Variants in COBL observed in about 807,000 individuals in gnomAD.
COBL encodes protein cordon-bleu.
A neutral mutation model predicts 98.8 loss-of-function variants in COBL; 51 were observed. The observed-to-expected ratio is 0.52, with a 90% CI of 0.41 to 0.65. The LOEUF (loss-of-function observed/expected upper bound fraction) is 0.65, where lower values mean the gene tolerates loss of function less well. Ranked by LOEUF, COBL falls within the 30% of genes least tolerant of loss-of-function variation. COBL has a pLI of 0.00. For synonymous variants in COBL, 634 were observed against 651.7 expected (o/e 0.97, Z 0.41); for missense variants, 1,617 against 1,617.5 (o/e 1.00, Z 0.01).
chr7:51,268,931 A>AT (rs1491319141), intron 1 of COBL, among the ~76,000 whole-genome samples: 5 of 116,228 alleles, frequency 4.3e-5, no homozygotes, highest in African/African-American at 1.3e-4. Context: ...CCCCGTCTCA[A>AT]TAAAAAAAAA....
At chr7:51,178,890 T>C (rs1023421558) in intron 5 of COBL, among the ~76,000 whole-genome samples, 3 of 152,208 alleles carry the variant, frequency 2.0e-5, no homozygotes, top group African/African-American at 7.2e-5. Flanking sequence ...ATTACAGGCA[T>C]GACCTACTGT....
intron 1 of COBL, among the ~76,000 whole-genome samples, chr7:51,277,486 G>A (rs866875667): frequency 6.6e-5 from 10 of 152,094 alleles, no homozygotes; most frequent in East Asian, 1.9e-4. Context: ...AAAAATTGAC[G>A]ACAGGACTGT....
chr7:51,314,236 C>T (rs1803323444), intron 1 of COBL, among the ~76,000 whole-genome samples: 1 of 152,210 alleles, frequency 6.6e-6, no homozygotes, highest in Admixed American at 6.5e-5. Context: ...TTCTATACAA[C>T]ACAAGGAGGA....
chr7:51,072,688 A>G (rs1018751435), intron 7 of COBL: 10 of 152,214 alleles, frequency 6.6e-5, no homozygotes, highest in Admixed American at 1.3e-4. Context: ...AATGAAGAGA[A>G]CAGAATAATG....
intron 1 of COBL, among the ~76,000 whole-genome samples, chr7:51,241,736 G>C (rs1795814381): frequency 6.6e-6 from 1 of 152,168 alleles, no homozygotes; most frequent in Admixed American, 6.5e-5. Context: ...CACTTCACAT[G>C]GTTTTAAAAA....
intron 1 of COBL, among the ~76,000 whole-genome samples, chr7:51,305,415 G>A (rs913378977): frequency 2.0e-5 from 3 of 152,148 alleles, no homozygotes; most frequent in Admixed American, 2.0e-4. Flanking sequence ...ATTTTCCTCT[G>A]AGGTTGCTGT....
intron 6 of COBL, among the ~76,000 whole-genome samples, chr7:51,102,915 A>G (rs1795931415): frequency 6.6e-6 from 1 of 152,202 alleles, no homozygotes; most frequent in African/African-American, 2.4e-5. Context: ...GAAGAGGGAA[A>G]TGGGAGTTGC....
chr7:51,092,143 G>A (rs952364855), intron 6 of COBL, among the ~76,000 whole-genome samples: 1 of 152,154 alleles, frequency 6.6e-6, no homozygotes, highest in African/African-American at 2.4e-5. Context: ...TGCATGCATG[G>A]GATCTAGATT....
intron 6 of COBL, among the ~76,000 whole-genome samples, chr7:51,111,732 G>T (rs1796847254): frequency 6.6e-6 from 1 of 152,110 alleles, no homozygotes. Flanking sequence ...TTCTTAGACG[G>T]GGCCTCCTCA....
At position 51,241,976 on chromosome 7, in the gene COBL, C is replaced by CA. The variant is rs374603851; in HGVS notation, c.42-22033dup. Among the ~76,000 whole-genome samples the CA allele has an allele frequency of 3.9e-3, 599 of 152,226 alleles. 7 individuals are homozygous for CA. Among genetic ancestry groups the CA allele is most frequent in the African/African-American group, 0.012 (486 of 41,538 alleles). On this transcript the variant is annotated intron_variant, in intron 1 of 12. Transcript: ENST00000265136. ...ACCCCAACTTTGCACTCCCAAGTAA[C>CA]AAAAAGACCAGAGGCTACTCCCCTT...
At chr7:51,159,448 C>CAG (rs1786558574) in intron 5 of COBL, among the ~76,000 whole-genome samples, 1 of 152,222 alleles carries the variant, frequency 6.6e-6, no homozygotes, top group African/African-American at 2.4e-5. Flanking sequence ...TACCGAGGGA[C>CAG]AGAGAGCTCT....
chr7:51,161,738 T>C (rs933764356), intron 5 of COBL, among the ~76,000 whole-genome samples: 3 of 152,220 alleles, frequency 2.0e-5, no homozygotes, highest in African/African-American at 7.2e-5. Context: ...TACCTTTAGA[T>C]TGGTCAAATT....
intron 6 of COBL, among the ~76,000 whole-genome samples, chr7:51,094,711 C>T (rs919301521): frequency 2.2e-4 from 34 of 151,776 alleles, no homozygotes; most frequent in African/African-American, 8.2e-4. Context: ...ACTATATAGA[C>T]AAATACATAA....
At chr7:51,244,905 C>T (rs1220510354) in intron 1 of COBL, among the ~76,000 whole-genome samples, 1 of 152,202 alleles carries the variant, frequency 6.6e-6, no homozygotes, top group Non-Finnish European at 1.5e-5. Flanking sequence ...AAGGGCTAAG[C>T]TCACATCTCT....
chr7:51,153,279 T>C (rs1176482205), intron 5 of COBL, among the ~76,000 whole-genome samples: 1 of 152,244 alleles, frequency 6.6e-6, no homozygotes, highest in Non-Finnish European at 1.5e-5. Flanking sequence ...AATATAGTAC[T>C]GTTAATTTTG....
chr7:51,136,081 G>A, intron 6 of COBL, 77 bp downstream of exon 6: 3 of 1,522,094 alleles, frequency 2.0e-6, no homozygotes, highest in Non-Finnish European at 2.7e-6. Context: ...GGATTACTGT[G>A]TTCCCAGGGA....
In COBL at chr7:51,219,750, A is replaced by G; in HGVS notation, c.236T>C (p.Leu79Pro). ...LPSGLEKRSV[L>P]NGSHAMMDLL... ...CAGCACCGGCTCTCACCTCCCATTG[A>G]GCACGCTCCTCTTCTCCAGCCCACT... is the stretch of plus-strand genomic sequence containing the variant. Residue 79 changes from leucine (L) to proline (P), a missense_variant, in exon 2 of 13, where the codon CTC (leucine) becomes CCC (proline). Physicochemically the swap from Leu to Pro is moderately conservative, Grantham distance 98. Transcript: ENST00000265136. The G allele has an allele frequency of 6.2e-7, 1 of 1,613,830 alleles. No homozygotes were observed. The highest frequency in any genetic ancestry group is 8.5e-7 in the Non-Finnish European group (1 of 1,179,872).
At chr7:51,038,930 T>C (rs1177973213) in intron 8 of COBL, among the ~76,000 whole-genome samples, 2 of 152,188 alleles carry the variant, frequency 1.3e-5, no homozygotes, top group African/African-American at 2.4e-5. Context: ...TCGTTTGCCA[T>C]GTAAGACAAA....
intron 2 of COBL, among the ~76,000 whole-genome samples, chr7:51,205,962 A>G (rs1046007581): frequency 2.0e-5 from 3 of 152,326 alleles, no homozygotes; most frequent in Non-Finnish European, 2.9e-5. Flanking sequence ...CATCACCATC[A>G]GGAAAGTGCA....
Sources: gnomAD v4.1 joint callset for allele counts (sites outside exome capture counted in the v4.1 genomes callset) on GRCh38, gnomAD v4.1.1 for gene constraint, MANE v1.5 for transcripts, NCBI Gene and HGNC (gene_info 2026-07-23, HGNC 2026-07-21) for gene names.